The following WDPCP variants were observed in gnomAD, a reference collection of about 807,000 sequenced individuals.
WDPCP encodes WD repeat-containing and planar cell polarity effector protein fritz homolog.
Under a neutral mutation model 93.1 loss-of-function variants are expected in WDPCP, and 71 were observed. The ratio of observed to expected loss-of-function variants is 0.76; its 90% CI spans 0.63 to 0.93. WDPCP has a LOEUF of 0.93. WDPCP is among the 40% of genes least tolerant of loss of function. The probability of loss-of-function intolerance (pLI) is 0.00; values close to 1 mark genes in which losing one functional copy is unlikely to be tolerated. For synonymous variants in WDPCP, 315 were observed against 315.0 expected (o/e 1.00, Z 0.00); for missense variants, 844 against 887.4 (o/e 0.95, Z 0.62).
rs898282738 is a variant in WDPCP at position 63,715,485 on chromosome 2, T to C, written n.309-64647A>G. ...AGCTACCTGTAACATGCCAGCTTCA[T>C]AAAGAGAAGCCTGACAGTTCACCAA... On this transcript the variant is annotated intron_variant and non_coding_transcript_variant, in intron 2 of 4. Coordinates refer to the WDPCP transcript ENST00000467687. Among the ~76,000 whole-genome samples, 3 of 152,308 alleles carry C rather than the reference T, an allele frequency of 2.0e-5. No individual in the cohort carries two copies. In the East Asian group the frequency reaches 5.8e-4, roughly 29 times the overall value.
At chr2:63,614,240 C>T (rs1000245485) in intron 3 of WDPCP, among the ~76,000 whole-genome samples, 4 of 152,160 alleles carry the variant, frequency 2.6e-5, no homozygotes, top group African/African-American at 9.7e-5. Flanking sequence ...ACCATCTGAC[C>T]CTTCTTTGAG....
chr2:63,693,895 A>C (rs1668926129), intron 2 of WDPCP, among the ~76,000 whole-genome samples: 1 of 152,178 alleles, frequency 6.6e-6, no homozygotes, highest in Non-Finnish European at 1.5e-5. Context: ...TGGACCATTC[A>C]CTAATGCTTA....
intron 16 of WDPCP, 195 bp from the exon 17 acceptor site, chr2:63,153,140 A>G (rs2103822131): frequency 1.7e-6 from 1 of 602,874 alleles, no homozygotes; most frequent in East Asian, 2.8e-5. Context: ...GTGTATGGCT[A>G]CCTTGCATTA....
intron 6 of WDPCP, among the ~76,000 whole-genome samples, chr2:63,476,324 C>G (rs562991544): frequency 1.3e-5 from 2 of 152,182 alleles, no homozygotes; most frequent in East Asian, 3.9e-4. Flanking sequence ...CAACATGAAC[C>G]ATGTATTTCT....
intron 6 of WDPCP, among the ~76,000 whole-genome samples, chr2:63,474,251 T>C (rs1343423932): frequency 6.6e-6 from 1 of 152,110 alleles, no homozygotes; most frequent in Admixed American, 6.5e-5. Context: ...TGTCTTCCAG[T>C]GCATTTTTTA....
intron 1 of WDPCP, among the ~76,000 whole-genome samples, chr2:63,821,622 G>C (rs1471261058): frequency 6.6e-6 from 1 of 152,192 alleles, no homozygotes; most frequent in African/African-American, 2.4e-5. Flanking sequence ...CAACAGTACA[G>C]AGAGTGGACC....
chr2:63,324,923 G>A (rs1687415956), intron 12 of WDPCP, among the ~76,000 whole-genome samples: 1 of 152,178 alleles, frequency 6.6e-6, no homozygotes. Context: ...TCCTCAAGTG[G>A]CTACAGGAGG....
chr2:63,158,393 GACAT>G (rs1271530916), intron 15 of WDPCP, among the ~76,000 whole-genome samples: 1 of 152,016 alleles, frequency 6.6e-6, no homozygotes, highest in African/African-American at 2.4e-5. Flanking sequence ...TATATATTAT[GACAT>G]TCTCTTGTCA....
intron 6 of WDPCP, among the ~76,000 whole-genome samples, chr2:63,456,487 G>A (rs1558659065): frequency 1.3e-5 from 2 of 152,076 alleles, no homozygotes; most frequent in East Asian, 1.9e-4. Flanking sequence ...CCAAGCCTGT[G>A]CTGTGTTTTT....
chr2:63,208,006 T>A (rs974955640), intron 14 of WDPCP, among the ~76,000 whole-genome samples: 2 of 152,178 alleles, frequency 1.3e-5, no homozygotes, highest in South Asian at 2.1e-4. Flanking sequence ...TCCTTCTAAG[T>A]TAATGTTCAT....
intron 6 of WDPCP, among the ~76,000 whole-genome samples, chr2:63,476,344 C>A (rs1367269657): frequency 1.3e-5 from 2 of 152,134 alleles, no homozygotes; most frequent in African/African-American, 4.8e-5. Context: ...TAAATGGGCT[C>A]ACCTCCTCAA....
intron 12 of WDPCP, among the ~76,000 whole-genome samples, chr2:63,340,444 T>C (rs1688757725): frequency 6.6e-6 from 1 of 152,224 alleles, no homozygotes; most frequent in Middle Eastern, 3.2e-3. Flanking sequence ...ATAGTAGTCC[T>C]GCCTACCTAC....
In WDPCP at chr2:63,404,157, T is replaced by C; in HGVS notation, c.1326A>G (p.Gln442=). ...GAGAAACAACCTGAGGAGCTATCCA[T>C]TGCATTTGAACAAGACTGCTGGAGG... ...FDASSSLVQM[Q]WIAPQVVSQK... Residue 442 remains glutamine (Q), a synonymous_variant, in exon 10 of 18, where the codon CAA becomes CAG. Transcript: ENST00000272321. The C allele has an allele frequency of 1.2e-6, 2 of 1,614,114 alleles. No homozygotes were observed. The highest frequency in any genetic ancestry group is 1.7e-6 in the Non-Finnish European group (2 of 1,179,996).
At chr2:63,552,984 G>A (rs1338272379) in intron 1 of WDPCP, among the ~76,000 whole-genome samples, 1 of 152,188 alleles carries the variant, frequency 6.6e-6, no homozygotes, top group Non-Finnish European at 1.5e-5. Context: ...ACTACAGAAG[G>A]CCTTGCATGC....
chr2:63,514,746 T>C (rs1377920087), intron 1 of WDPCP, among the ~76,000 whole-genome samples: 1 of 152,146 alleles, frequency 6.6e-6, no homozygotes, highest in African/African-American at 2.4e-5. Flanking sequence ...AATACGGGTT[T>C]AGGAGCCAAC....
chr2:63,766,496 A>G (rs1670141800), intron 2 of WDPCP, among the ~76,000 whole-genome samples: 1 of 151,944 alleles, frequency 6.6e-6, no homozygotes, highest in Non-Finnish European at 1.5e-5. Flanking sequence ...TGCCTAGCCA[A>G]TATTAATTTT....
chr2:63,181,106 C>T (rs1387874033), intron 14 of WDPCP, among the ~76,000 whole-genome samples: 1 of 151,872 alleles, frequency 6.6e-6, no homozygotes, highest in Non-Finnish European at 1.5e-5. Flanking sequence ...ATATTAGTCC[C>T]TTGTTGTATG....
chr2:63,277,612 T>C (rs1414769208), intron 13 of WDPCP, among the ~76,000 whole-genome samples: 1 of 152,076 alleles, frequency 6.6e-6, no homozygotes, highest in Non-Finnish European at 1.5e-5. Flanking sequence ...TATTTTTATA[T>C]CAGACAAAAC....
At chr2:63,208,305 CT>C (rs1676494636) in intron 14 of WDPCP, among the ~76,000 whole-genome samples, 2 of 152,098 alleles carry the variant, frequency 1.3e-5, no homozygotes, top group South Asian at 4.1e-4. Context: ...GGAAAACTGC[CT>C]TTTCTGTACC....
Sources: gnomAD v4.1 joint callset for allele counts (sites outside exome capture counted in the v4.1 genomes callset) on GRCh38, gnomAD v4.1.1 for gene constraint, MANE v1.5 for transcripts, NCBI Gene and HGNC (gene_info 2026-07-23, HGNC 2026-07-21) for gene names.